Variants in CELF2 observed in about 807,000 individuals in gnomAD.
CELF2 encodes CUG triplet repeat RNA-binding protein 2.
Under a neutral mutation model 62.6 loss-of-function variants are expected in CELF2, and 8 were observed. The observed-to-expected ratio is 0.13, with a 90% CI of 0.07 to 0.23. The LOEUF (loss-of-function observed/expected upper bound fraction) is 0.23. Ranked by LOEUF, CELF2 falls within the 10% of genes least tolerant of loss-of-function variation. The pLI, the probability that CELF2 is intolerant of heterozygous loss-of-function variation, is 1.00. For synonymous variants in CELF2, 258 were observed against 250.0 expected, an observed-to-expected ratio of 1.03 and a Z score of -0.30; for missense variants, 333 against 671.0, an observed-to-expected ratio of 0.50 and a Z score of 5.56.
the CELF2 span, among the ~76,000 whole-genome samples, chr10:10,792,822 A>G: frequency 6.6e-6 from 1 of 152,080 alleles, no homozygotes; most frequent in South Asian, 2.1e-4. Context: ...GTATGTACCA[A>G]ATTTGGTCTG....
In CELF2 at chr10:11,328,954, T is replaced by A. The variant is rs773475872; in HGVS notation, c.1467T>A (p.Ser489=). The change falls in exon 13 of 13, where the codon TCT becomes TCA. Residue 489 remains serine, a synonymous_variant. Coordinates refer to ENST00000633077, the MANE Select transcript of CELF2 (RefSeq NM_001326342.2). The surrounding 1 kb of genome is among the most constrained non-coding windows in gnomAD (Gnocchi z 6.4). The stretch of plus-strand genomic sequence containing the variant: ...TTGTTAGCTACGACAATCCAGTCTC[T>A]GCACAAGCTGCTATCCAAGCTATGA... ...FGFVSYDNPV[S]AQAAIQAMNG... 1 of 1,613,154 alleles carries A rather than the reference T, an allele frequency of 6.2e-7. No individual in the cohort carries two copies. The highest frequency in any genetic ancestry group is 2.2e-5 in the East Asian group (1 of 44,818).
chr10:10,719,636 T>C, the CELF2 span, among the ~76,000 whole-genome samples: 1 of 152,172 alleles, frequency 6.6e-6, no homozygotes, highest in East Asian at 1.9e-4. Context: ...CTGAACTGCA[T>C]AATCACCCTA....
chr10:10,532,901 A>T, the CELF2 span, among the ~76,000 whole-genome samples: 1 of 149,874 alleles, frequency 6.7e-6, no homozygotes, highest in African/African-American at 2.4e-5. Context: ...AAAAAAAAAA[A>T]TAGAGAGCAA....
chr10:10,777,047 G>A, the CELF2 span, among the ~76,000 whole-genome samples: 9 of 152,146 alleles, frequency 5.9e-5, no homozygotes, highest in East Asian at 5.8e-4. Context: ...ATTCCCATGC[G>A]CTACCCGCCT....
At chr10:11,149,359 C>G (rs1182852624) in intron 1 of CELF2, among the ~76,000 whole-genome samples, 4 of 152,204 alleles carry the variant, frequency 2.6e-5, no homozygotes, top group Non-Finnish European at 5.9e-5. Context: ...CATGAGCCAC[C>G]ACGCCTGACC....
chr10:10,891,524 C>T (rs1456098621), intron 1 of CELF2, among the ~76,000 whole-genome samples: 1 of 151,744 alleles, frequency 6.6e-6, no homozygotes, highest in Non-Finnish European at 1.5e-5. Context: ...TTCATCCTTG[C>T]AACAACCCTG....
chr10:11,176,827 C>G (rs1449745675), intron 2 of CELF2, among the ~76,000 whole-genome samples: 1 of 152,198 alleles, frequency 6.6e-6, no homozygotes, highest in Non-Finnish European at 1.5e-5. Context: ...ATCCCAGTTC[C>G]TTCATCCGCT....
chr10:10,657,799 C>T, the CELF2 span, among the ~76,000 whole-genome samples: 11 of 152,058 alleles, frequency 7.2e-5, no homozygotes, highest in Middle Eastern at 3.2e-3. Context: ...GTTGGGGATA[C>T]AAGATGTTCA....
At chr10:11,239,349 G>A (rs573616087) in intron 3 of CELF2, among the ~76,000 whole-genome samples, 1 of 152,248 alleles carries the variant, frequency 6.6e-6, no homozygotes, top group African/African-American at 2.4e-5. Flanking sequence ...GGGTTCTGCA[G>A]TTTTTCTCCA....
At chr10:10,860,059 G>A (rs1419380547) in intron 1 of CELF2, among the ~76,000 whole-genome samples, 1 of 152,166 alleles carries the variant, frequency 6.6e-6, no homozygotes, top group East Asian at 1.9e-4. Flanking sequence ...ATCTTTTTAT[G>A]AAAATGTATC....
At chr10:10,741,886 A>G in the CELF2 span, among the ~76,000 whole-genome samples, 23,324 of 152,184 alleles carry the variant, frequency 0.15, 2,042 homozygotes, top group Non-Finnish European at 0.19. Flanking sequence ...CTTGTCTACA[A>G]CAATTGTTAC....
the CELF2 span, among the ~76,000 whole-genome samples, chr10:10,564,354 C>A: frequency 6.6e-6 from 1 of 152,106 alleles, no homozygotes; most frequent in African/African-American, 2.4e-5. Flanking sequence ...TGGGTGGAGT[C>A]CTTACTGGGA....
chr10:11,175,458 T>C (rs2070730033), intron 2 of CELF2, among the ~76,000 whole-genome samples: 1 of 152,238 alleles, frequency 6.6e-6, no homozygotes, highest in African/African-American at 2.4e-5. Context: ...ATAAGTTCTT[T>C]CAATTAATGC....
the CELF2 span, among the ~76,000 whole-genome samples, chr10:10,596,288 C>T: frequency 6.6e-6 from 1 of 151,814 alleles, no homozygotes; most frequent in African/African-American, 2.4e-5. Context: ...AGCAATACCA[C>T]ATTCAAGTCT....
At chr10:11,292,579 T>C (rs140605872) in intron 9 of CELF2, among the ~76,000 whole-genome samples, 45 of 152,308 alleles carry the variant, frequency 3.0e-4, no homozygotes, top group African/African-American at 8.9e-4. Context: ...AAAAATGAGT[T>C]GGGGCCTGCA....
intron 1 of CELF2, among the ~76,000 whole-genome samples, chr10:10,821,923 C>T (rs1458896368): frequency 6.6e-6 from 1 of 152,142 alleles, no homozygotes; most frequent in Admixed American, 6.5e-5. Flanking sequence ...GCCACCATGC[C>T]CTGCTGGGGA....
chr10:10,736,979 T>C, the CELF2 span, among the ~76,000 whole-genome samples: 2 of 152,184 alleles, frequency 1.3e-5, no homozygotes, highest in African/African-American at 4.8e-5. Context: ...CCTATCTGTG[T>C]CATTATAAAT....
chr10:10,874,272 T>G (rs529390917), intron 1 of CELF2, among the ~76,000 whole-genome samples: 1 of 152,168 alleles, frequency 6.6e-6, no homozygotes, highest in Admixed American at 6.5e-5. Flanking sequence ...GAGCCATGAT[T>G]GCACCACTGC....
the CELF2 span, among the ~76,000 whole-genome samples, chr10:10,694,532 T>C: frequency 6.6e-6 from 1 of 152,200 alleles, no homozygotes; most frequent in African/African-American, 2.4e-5. Flanking sequence ...CTAGGTCTGC[T>C]TGGTGCAGAG....
Sources: gnomAD v4.1 joint callset for allele counts (sites outside exome capture counted in the v4.1 genomes callset) on GRCh38, gnomAD v4.1.1 for gene constraint, Gnocchi (gnomAD v3.1) non-coding constraint, MANE v1.5 for transcripts, NCBI Gene and HGNC (gene_info 2026-07-23, HGNC 2026-07-21) for gene names.